Variants in ZFP90 observed in about 807,000 individuals in gnomAD.
ZFP90 encodes zinc finger protein 90 homolog.
In ZFP90, 38 loss-of-function variants were observed where a neutral mutation model predicts 60.8. The observed-to-expected ratio is 0.62, with a 90% CI of 0.48 to 0.82. ZFP90 has a LOEUF of 0.82. ZFP90 is among the 40% of genes least tolerant of loss of function. The pLI is 0.00. For synonymous variants in ZFP90, 287 were observed against 264.8 expected, an observed-to-expected ratio of 1.08 and a Z score of -0.82; for missense variants, 711 against 759.1, an observed-to-expected ratio of 0.94 and a Z score of 0.74.
Position 68,565,650 on chromosome 16 carries a change from T to A in ZFP90, c.*952T>A, listed in dbSNP as rs2091514171. 1 of 985,466 alleles carries A rather than the reference T, an allele frequency of 1.0e-6. No homozygotes were observed. The highest frequency in any genetic ancestry group is 6.1e-5 in the Admixed American group (1 of 16,266). 61.0% of individuals were successfully genotyped at this position (985,466 alleles called of 1,614,324 possible). A position where few individuals can be genotyped will look rare whatever the true frequency, so the allele number is the denominator to read the frequency against. On this transcript the variant is annotated 3_prime_UTR_variant, in exon 5 of 5. Coordinates refer to ENST00000563169, the MANE Select transcript of ZFP90 (RefSeq NM_001305203.2). ...ATGGCATGCCCATGAAAAAGCACTT[T>A]CTTAAGCCTACAGTATCAGATCAAT...
chr16:68,549,342 T>A (rs1696371736), intron 2 of ZFP90, among the ~76,000 whole-genome samples: 1 of 152,162 alleles, frequency 6.6e-6, no homozygotes, highest in Non-Finnish European at 1.5e-5. Flanking sequence ...TTCTGGACAC[T>A]CTCCACTTGC....
intron 2 of ZFP90, among the ~76,000 whole-genome samples, chr16:68,549,299 T>A (rs1300692018): frequency 6.6e-6 from 1 of 152,198 alleles, no homozygotes; most frequent in African/African-American, 2.4e-5. Context: ...AGACCCTCCA[T>A]GCATGGACAA....
intron 2 of ZFP90, 79 bp downstream of exon 2, chr16:68,539,904 T>C (rs1053336635): frequency 1.2e-5 from 18 of 1,531,892 alleles, no homozygotes; most frequent in Non-Finnish European, 1.4e-5. Flanking sequence ...GGAGCAGTCA[T>C]TGTTCTCTGC....
upstream of ZFP90, chr16:68,535,582 A>T (rs1375959827): frequency 6.6e-6 from 1 of 152,052 alleles, no homozygotes. Context: ...CTAATTGAAA[A>T]CTTTTCCCAA....
At chr16:68,551,911 A>G (rs2091268199) in intron 2 of ZFP90, among the ~76,000 whole-genome samples, 2 of 151,966 alleles carry the variant, frequency 1.3e-5, no homozygotes, top group South Asian at 2.1e-4. Flanking sequence ...GGCGCTCGCC[A>G]CCGTGCCCGG....
chr16:68,564,556 T>A lies in ZFP90; in HGVS notation c.1769T>A (p.Phe590Tyr), dbSNP rs1260528642. 3 of 1,613,602 alleles carry A rather than the reference T, an allele frequency of 1.9e-6. No individual in the cohort carries two copies. The highest frequency in any genetic ancestry group is 2.5e-6 in the Non-Finnish European group (3 of 1,179,838). Residue 590 changes from phenylalanine (F) to tyrosine (Y), a missense_variant, in exon 5 of 5, where the codon TTC becomes TAC. Coordinates refer to ENST00000563169, the MANE Select transcript of ZFP90 (RefSeq NM_001305203.2). ...PYECNECGRA[F>Y]RKKTNLHDHQ... The stretch of plus-strand genomic sequence containing the variant: ...GAATGTAATGAATGTGGGAGAGCCT[T>A]CCGAAAAAAAACCAACCTGCATGAT...
intron 4 of ZFP90, among the ~76,000 whole-genome samples, chr16:68,561,728 A>G (rs918033301): frequency 6.6e-6 from 1 of 152,190 alleles, no homozygotes. Context: ...TTCTCATTTA[A>G]TCATTTCCAC....
intron 2 of ZFP90, among the ~76,000 whole-genome samples, chr16:68,545,380 T>C: frequency 6.6e-6 from 1 of 152,166 alleles, no homozygotes; most frequent in South Asian, 2.1e-4. Context: ...GCTACTAATA[T>C]AGCACAAATT....
rs369859381 is a variant in ZFP90 at position 68,564,540 on chromosome 16, G to A, written c.1753G>A (p.Glu585Lys). Residue 585 changes from glutamate to lysine, a missense_variant, in exon 5 of 5, where the codon GAA (glutamate) becomes AAA (lysine). Transcript: ENST00000563169. The stretch of plus-strand genomic sequence containing the variant: ...TGGAGAGAAGCCCTATGAATGTAAT[G>A]AATGTGGGAGAGCCTTCCGAAAAAA... ...HTGEKPYECN[E>K]CGRAFRKKTN... 8 of 1,613,970 alleles carry A rather than the reference G, an allele frequency of 5.0e-6. No homozygotes were observed. In the African/African-American group the frequency reaches 9.3e-5, roughly 19 times the overall value.
Position 68,564,076 on chromosome 16 carries a change from ATT to A in ZFP90, c.1291_1292del (p.Phe431GlnfsTer10). Reference sequence around the variant, plus strand: ...TACCAAAGCAGTAACTACAGCATAGATTTCAAGCACAGCACATCTCTCACTCA... The same window carrying A: ...TACCAAAGCAGTAACTACAGCATAGATCAAGCACAGCACATCTCTCACTCA... On this transcript the variant is annotated frameshift_variant, in exon 5 of 5. Transcript: ENST00000563169. LOFTEE classifies it high-confidence loss of function. The A allele has an allele frequency of 6.2e-7, 1 of 1,614,124 alleles. No homozygotes were observed. Among genetic ancestry groups the A allele is most frequent in the Non-Finnish European group, 8.5e-7 (1 of 1,180,020 alleles).
downstream of ZFP90, among the ~76,000 whole-genome samples, chr16:68,570,071 C>CTA (rs1362144377): frequency 4.1e-5 from 6 of 145,940 alleles, no homozygotes; most frequent in East Asian, 1.2e-3. Flanking sequence ...TGTGTGTGTG[C>CTA]TATATCCCCC....
Position 68,564,964 on chromosome 16 carries a change from A to G in ZFP90, c.*266A>G. 1.7e-6 allele frequency: 2 copies of G among 1,187,930 alleles called. No homozygotes were observed. Among genetic ancestry groups the G allele is most frequent in the African/African-American group, 3.2e-5 (2 of 63,148 alleles). The allele number at this position is 1,187,930 out of a possible 1,614,324, so 73.6% of individuals were successfully genotyped here. A position where few individuals can be genotyped will look rare whatever the true frequency, so the allele number is the denominator to read the frequency against. On this transcript the variant is annotated 3_prime_UTR_variant, in exon 5 of 5. Transcript: ENST00000563169. ...TATGTTGGACTTTGCTTTTGAATAT[A>G]TGTATGCAGGATATCATCAAGTTTC...
At chr16:68,538,030 A>C (rs1020782813), upstream of ZFP90, among the ~76,000 whole-genome samples, 6 of 152,132 alleles carry the variant, frequency 3.9e-5, no homozygotes, top group African/African-American at 1.4e-4. Flanking sequence ...CTCCTGCCTC[A>C]GCTTTCTGAG....
chr16:68,534,919 TA>T (rs1311216348), upstream of ZFP90, among the ~76,000 whole-genome samples: 1 of 152,120 alleles, frequency 6.6e-6, no homozygotes, highest in Admixed American at 6.6e-5. Context: ...AATAAATAAA[TA>T]AAAATAAAAT....
intron 2 of ZFP90, among the ~76,000 whole-genome samples, chr16:68,534,195 T>C (rs913503271): frequency 1.3e-5 from 2 of 151,706 alleles, no homozygotes; most frequent in African/African-American, 2.4e-5. Flanking sequence ...TTATTAACCA[T>C]GTGCATTACA....
chr16:68,564,441 C>G lies in ZFP90; in HGVS notation c.1654C>G (p.Pro552Ala). ...TGAGAGAACCCACACTGGAGAGAAA[C>G]CCTATGAATGTATTGACTGTGGGAA... ...QHERTHTGEK[P>A]YECIDCGKAF... The change falls in exon 5 of 5, where the codon CCC (proline) becomes GCC (alanine). Residue 552 changes from proline to alanine, a missense_variant. Physicochemically the swap from Pro to Ala is conservative, Grantham distance 27. This residue lies in a region of ZFP90 where 295 missense variants were observed against 274.0 expected (regional missense o/e 1.08). Transcript: ENST00000563169. 1.9e-6 allele frequency: 3 copies of G among 1,613,996 alleles called. No individual in the cohort carries two copies. Among genetic ancestry groups the G allele is most frequent in the Non-Finnish European group, 2.5e-6 (3 of 1,179,984 alleles).
intron 2 of ZFP90, among the ~76,000 whole-genome samples, chr16:68,541,421 C>T (rs774390195): frequency 4.6e-5 from 7 of 152,022 alleles, no homozygotes; most frequent in Admixed American, 2.0e-4. Flanking sequence ...TCGCTTCAGC[C>T]TCCCAAAGTG....
At chr16:68,559,988 C>T (rs1475583894) in intron 4 of ZFP90, among the ~76,000 whole-genome samples, 1 of 152,242 alleles carries the variant, frequency 6.6e-6, no homozygotes, top group Non-Finnish European at 1.5e-5. Flanking sequence ...CTTCCCTTTG[C>T]TTCCCAAAGT....
At chr16:68,575,391 T>G (rs1567418368) in intron 2 of ZFP90, among the ~76,000 whole-genome samples, 1 of 151,956 alleles carries the variant, frequency 6.6e-6, no homozygotes, top group Admixed American at 6.6e-5. Flanking sequence ...GAGAAGAATT[T>G]TATTGAGTAA....
Sources: gnomAD v4.1 joint callset for allele counts (sites outside exome capture counted in the v4.1 genomes callset) on GRCh38, gnomAD v4.1.1 for gene constraint, gnomAD v4.1.1 regional missense constraint, MANE v1.5 for transcripts, NCBI Gene and HGNC (gene_info 2026-07-23, HGNC 2026-07-21) for gene names.